The following MARK3 variants were observed in gnomAD, a reference collection of about 807,000 sequenced individuals.
MARK3 encodes the protein microtubule affinity regulating kinase 3, also known as MAP/microtubule affinity-regulating kinase 3.
In MARK3, 46 loss-of-function variants were observed where a neutral mutation model predicts 90.1. The ratio of observed to expected loss-of-function variants is 0.51; its 90% CI spans 0.40 to 0.65. The LOEUF is 0.65. Ranked by LOEUF, MARK3 falls within the 30% of genes least tolerant of loss-of-function variation. The pLI is 0.00. For missense variants in MARK3, 818 were observed against 947.2 expected, an observed-to-expected ratio of 0.86 and a Z score of 1.79; for synonymous variants, 321 against 332.6, an observed-to-expected ratio of 0.97 and a Z score of 0.38.
At chr14:103,423,120 G>T (rs1410915158) in intron 2 of MARK3, among the ~76,000 whole-genome samples, 1 of 147,876 alleles carries the variant, frequency 6.8e-6, no homozygotes, top group Non-Finnish European at 1.5e-5. Context: ...CCCCCAGTGT[G>T]TGGTATTTTG....
intron 3 of MARK3, among the ~76,000 whole-genome samples, chr14:103,433,093 CTTTTTTTTTT>C (rs1415709755): frequency 1.7e-5 from 2 of 118,050 alleles, no homozygotes; most frequent in African/African-American, 5.8e-5. Context: ...CTTTTCTTTT[CTTTTTTTTTT>C]GAGACAGAGT....
chr14:103,447,182 C>T (rs1215385773), intron 3 of MARK3, among the ~76,000 whole-genome samples: 1 of 152,094 alleles, frequency 6.6e-6, no homozygotes, highest in Non-Finnish European at 1.5e-5. Context: ...CACCTGTGAT[C>T]CTAGCACTTT....
intron 2 of MARK3, 70 bp from the exon 3 acceptor site, chr14:103,428,317 A>G (rs550363616): frequency 1.9e-5 from 15 of 786,776 alleles, no homozygotes; most frequent in Non-Finnish European, 2.6e-5. Context: ...TTAATGCCAT[A>G]TATCTTGGCA....
chr14:103,502,932 G>C lies in MARK3; in HGVS notation c.1967G>C (p.Arg656Pro). 6.2e-7 allele frequency: 1 copy of C among 1,614,082 alleles called. No individual in the cohort carries two copies. ...QKDENKEAKPRSLRFTWSMKT... is the reference protein window; with the variant it reads ...QKDENKEAKPPSLRFTWSMKT... ...GATGAAAACAAAGAAGCAAAGCCTC[G>C]ATCCCTACGCTTCACCTGGAGCATG... Residue 656 changes from arginine (R) to proline (P), a missense_variant, in exon 18 of 18, where the codon CGA becomes CCA. Physicochemically the swap from Arg to Pro is moderately radical, Grantham distance 103. This residue lies in a region of MARK3 where 560 missense variants were observed against 613.5 expected (regional missense o/e 0.91). Coordinates refer to ENST00000429436, the MANE Select transcript of MARK3 (RefSeq NM_001128918.3).
chr14:103,459,827 C>G (rs1010795663), intron 6 of MARK3, among the ~76,000 whole-genome samples: 1 of 151,582 alleles, frequency 6.6e-6, no homozygotes, highest in African/African-American at 2.4e-5. Flanking sequence ...AATTTCTGTG[C>G]TTTCTAGGAG....
chr14:103,417,149 T>G (rs2091979202), intron 2 of MARK3: 1 of 152,318 alleles, frequency 6.6e-6, no homozygotes, highest in African/African-American at 2.4e-5. Context: ...TTGCAGAGAT[T>G]GGGGTTTTGT....
rs1285297927 is a variant in MARK3, at chr14:103,412,979, A to G, written c.243+7712A>G. ...AACCTCCGCCTCCTGGGTTCAAGCAATTCTCCCACCTCAGCCTCCCGAGTA... is the reference window on the plus strand; with the variant it reads ...AACCTCCGCCTCCTGGGTTCAAGCAGTTCTCCCACCTCAGCCTCCCGAGTA... On this transcript the variant is annotated intron_variant, in intron 2 of 17. Transcript: ENST00000429436. 2.6e-5 allele frequency among the ~76,000 whole-genome samples: 4 copies of G among 151,486 alleles called. No individual in the cohort carries two copies. The East Asian group carries it at 5.8e-4, about 22-fold the overall frequency.
intron 7 of MARK3, 89 bp downstream of exon 7, chr14:103,462,550 C>A: frequency 2.3e-6 from 2 of 853,972 alleles, no homozygotes; most frequent in African/African-American, 1.7e-5. Flanking sequence ...TATAGATTAG[C>A]CTTATTAGCA....
intron 17 of MARK3, among the ~76,000 whole-genome samples, chr14:103,500,781 T>C (rs1442892213): frequency 6.6e-6 from 1 of 152,046 alleles, no homozygotes; most frequent in Non-Finnish European, 1.5e-5. Context: ...GCCACCATGC[T>C]GGCTAATTTT....
In MARK3 at chr14:103,458,502, A is replaced by G. The variant is rs150962651; in HGVS notation, c.483+1290A>G. Among the ~76,000 whole-genome samples the G allele has an allele frequency of 4.3e-3, 654 of 151,722 alleles. 5 individuals carry two copies. Among genetic ancestry groups the G allele is most frequent in the African/African-American group, 0.015 (610 of 41,370 alleles). ...AAGCAGCAGCTGTAGACAATACCAA[A>G]TGAATGAACGTGACTGTGTTCCAAC... On this transcript the variant is annotated intron_variant, in intron 6 of 17. Coordinates refer to ENST00000429436, the MANE Select transcript of MARK3 (RefSeq NM_001128918.3).
chr14:103,476,716 G>A (rs1423266432), intron 13 of MARK3, among the ~76,000 whole-genome samples: 2 of 152,182 alleles, frequency 1.3e-5, no homozygotes. Context: ...TGAGGAGGCT[G>A]TGGAGAAACC....
At chr14:103,460,378 C>G (rs1375008461) in intron 6 of MARK3, among the ~76,000 whole-genome samples, 1 of 152,052 alleles carries the variant, frequency 6.6e-6, no homozygotes, top group Non-Finnish European at 1.5e-5. Context: ...AGCCACGCGC[C>G]CGGCACAGCT....
chr14:103,385,943 T>G lies in MARK3; in HGVS notation c.-87T>G. ...CCACGGCGCCTTTTCGGAACTGCCG[T>G]GGACTCGAGGACGCTGGTCGCCGGC... On this transcript the variant is annotated 5_prime_UTR_variant, in exon 1 of 18. Transcript: ENST00000429436. The G allele has an allele frequency of 1.8e-6, 2 of 1,095,828 alleles. No homozygotes were observed. The highest frequency in any genetic ancestry group is 2.8e-6 in the Non-Finnish European group (2 of 710,784). The allele number at this position is 1,095,828 out of a possible 1,614,324, so 67.9% of individuals were successfully genotyped here.
chr14:103,454,743 A>G (rs1310015248), intron 5 of MARK3, among the ~76,000 whole-genome samples: 1 of 152,118 alleles, frequency 6.6e-6, no homozygotes, highest in Non-Finnish European at 1.5e-5. Context: ...AATCTTAGAA[A>G]TTTTAGGGCA....
chr14:103,453,450 A>T (rs2093203121), intron 5 of MARK3, among the ~76,000 whole-genome samples: 1 of 152,194 alleles, frequency 6.6e-6, no homozygotes, highest in Non-Finnish European at 1.5e-5. Context: ...AGAAAGTTGG[A>T]TTATAGTCTC....
At chr14:103,493,077 C>G (rs2075096076) in intron 15 of MARK3, among the ~76,000 whole-genome samples, 1 of 152,102 alleles carries the variant, frequency 6.6e-6, no homozygotes, top group African/African-American at 2.4e-5. Context: ...CTCTGTTTTT[C>G]TGCATTCCCT....
At chr14:103,411,493 C>A (rs1285516268) in intron 2 of MARK3, among the ~76,000 whole-genome samples, 1 of 152,122 alleles carries the variant, frequency 6.6e-6, no homozygotes, top group Non-Finnish European at 1.5e-5. Flanking sequence ...ATAATAAATT[C>A]TCATATGTGT....
intron 9 of MARK3, 124 bp from the exon 10 acceptor site, chr14:103,466,219 A>G: frequency 1.5e-6 from 2 of 1,375,072 alleles, no homozygotes; most frequent in South Asian, 2.7e-5. Flanking sequence ...AAACATTAAA[A>G]AATATTTTTT....
In MARK3 at chr14:103,503,224, G is replaced by A; in HGVS notation, c.2259G>A (p.Leu753=). 1.2e-6 allele frequency: 2 copies of A among 1,602,958 alleles called. No homozygotes were observed. The highest frequency in any genetic ancestry group is 1.7e-6 in the Non-Finnish European group (2 of 1,171,556). ...IASKIANELK[L] is the part of the protein sequence containing the mutation. ...CCAAAATTGCCAATGAGCTAAAGCT[G>A]TAACCCAGTGATTATGATGTAAATT... Residue 753 remains leucine, a synonymous_variant, in exon 18 of 18, where the codon CTG becomes CTA. Transcript: ENST00000429436.
Sources: gnomAD v4.1 joint callset for allele counts (sites outside exome capture counted in the v4.1 genomes callset) on GRCh38, gnomAD v4.1.1 for gene constraint, gnomAD v4.1.1 regional missense constraint, MANE v1.5 for transcripts, NCBI Gene and HGNC (gene_info 2026-07-23, HGNC 2026-07-21) for gene names.